The following DNAJB14 variants were observed in gnomAD, a reference collection of about 807,000 sequenced individuals.
The protein encoded by DNAJB14 is dnaJ homolog subfamily B member 14.
A neutral mutation model predicts 48.4 loss-of-function variants in DNAJB14; 22 were observed. The ratio of observed to expected loss-of-function variants is 0.45; its 90% CI spans 0.32 to 0.65. DNAJB14 has a LOEUF of 0.65. Ranked by LOEUF, DNAJB14 falls within the 30% of genes least tolerant of loss-of-function variation. The pLI is 0.03. For missense variants in DNAJB14, 319 were observed against 458.8 expected, an observed-to-expected ratio of 0.70 and a Z score of 2.78; for synonymous variants, 142 against 158.7, an observed-to-expected ratio of 0.89 and a Z score of 0.79.
intron 1 of DNAJB14, among the ~76,000 whole-genome samples, chr4:99,944,470 A>G (rs1446747182): frequency 6.6e-6 from 1 of 152,186 alleles, no homozygotes; most frequent in Non-Finnish European, 1.5e-5. Flanking sequence ...CAAGAGGTGA[A>G]AGGAACCCAA....
chr4:99,929,362 G>C (rs1403623614), intron 2 of DNAJB14: 1 of 152,166 alleles, frequency 6.6e-6, no homozygotes, highest in Non-Finnish European at 1.5e-5. Context: ...CAAAGTGCTA[G>C]GATTACAGGC....
chr4:99,905,923 T>C (rs1725448212), intron 5 of DNAJB14: 3 of 1,348,166 alleles, frequency 2.2e-6, no homozygotes, highest in African/African-American at 3.0e-5. Context: ...TAAAATTTGA[T>C]TTCATTTTAT....
At chr4:99,931,849 A>G (rs1332367440) in intron 1 of DNAJB14, among the ~76,000 whole-genome samples, 3 of 152,008 alleles carry the variant, frequency 2.0e-5, no homozygotes, top group African/African-American at 7.2e-5. Context: ...AAAACAAAAT[A>G]AAAAAATCTA....
intron 3 of DNAJB14, among the ~76,000 whole-genome samples, chr4:99,913,248 TG>T (rs1725730384): frequency 1.3e-5 from 2 of 152,200 alleles, no homozygotes; most frequent in South Asian, 4.1e-4. Context: ...GAGATATTCT[TG>T]CTTTATTCTT....
chr4:99,933,303 C>CTTTTTTTTTT (rs759298582), intron 1 of DNAJB14, among the ~76,000 whole-genome samples: 2 of 88,776 alleles, frequency 2.3e-5, no homozygotes, highest in Non-Finnish European at 4.2e-5. Context: ...CATAAACAGT[C>CTTTTTTTTTT]TTTTTTTTTT....
intron 1 of DNAJB14, among the ~76,000 whole-genome samples, chr4:99,932,391 T>TTTG (rs1726508434): frequency 1.3e-5 from 2 of 151,622 alleles, no homozygotes; most frequent in Non-Finnish European, 2.9e-5. Context: ...AAACAAATGG[T>TTTG]CAATAAGCAC....
intron 4 of DNAJB14, among the ~76,000 whole-genome samples, chr4:99,908,298 A>T (rs990731073): frequency 2.0e-5 from 3 of 152,158 alleles, no homozygotes; most frequent in African/African-American, 7.2e-5. Flanking sequence ...CTCTACATAT[A>T]TCCAAATTAG....
intron 4 of DNAJB14, among the ~76,000 whole-genome samples, chr4:99,907,481 C>G (rs1725507980): frequency 6.6e-6 from 1 of 151,880 alleles, no homozygotes; most frequent in Non-Finnish European, 1.5e-5. Flanking sequence ...TCAAGACCAG[C>G]CTGGACAACA....
intron 3 of DNAJB14, chr4:99,922,651 T>C (rs1726102520): frequency 6.5e-6 from 1 of 153,204 alleles, no homozygotes; most frequent in South Asian, 2.1e-4. Context: ...TTCTTAAATA[T>C]CCAAATTCCA....
intron 1 of DNAJB14, among the ~76,000 whole-genome samples, chr4:99,934,845 A>G (rs1296089589): frequency 1.3e-5 from 2 of 149,536 alleles, no homozygotes; most frequent in Non-Finnish European, 3.0e-5. Context: ...TCTCTCAAAA[A>G]CTTATGTGAT....
rs182604130 is a variant in DNAJB14, at chr4:99,904,400, A to G, written c.843-502T>C. 1.1e-4 allele frequency among the ~76,000 whole-genome samples: 17 copies of G among 152,284 alleles called. No homozygotes were observed. In the East Asian group the frequency reaches 3.3e-3, roughly 29 times the overall value. The stretch of plus-strand genomic sequence containing the variant: ...CCACATGGGTGGCTGAGATAGTGAT[A>G]CCTTTGCTTTCTGATAGTTCAATGT... On this transcript the variant is annotated intron_variant, in intron 6 of 7. Coordinates refer to ENST00000442697, the MANE Select transcript of DNAJB14 (RefSeq NM_001031723.4).
chr4:99,938,929 T>C (rs750691758), intron 1 of DNAJB14, among the ~76,000 whole-genome samples: 8 of 152,146 alleles, frequency 5.3e-5, no homozygotes, highest in Non-Finnish European at 1.2e-4. Flanking sequence ...TTTTCCTATA[T>C]AAACGATACC....
chr4:99,906,660 A>G, intron 4 of DNAJB14, 49 bp from the exon 5 acceptor site: 2 of 1,415,072 alleles, frequency 1.4e-6, no homozygotes, highest in Non-Finnish European at 9.8e-7. Context: ...TTATGATCAG[A>G]AAAAATACAT....
intron 3 of DNAJB14, among the ~76,000 whole-genome samples, chr4:99,914,475 C>G (rs545002122): frequency 1.3e-5 from 2 of 152,176 alleles, no homozygotes; most frequent in South Asian, 4.1e-4. Context: ...AGGGGAACAT[C>G]ACACACTGGG....
chr4:99,916,095 GAT>G (rs1408157224), intron 3 of DNAJB14, among the ~76,000 whole-genome samples: 4 of 151,760 alleles, frequency 2.6e-5, no homozygotes, highest in African/African-American at 7.3e-5. Context: ...TTTTATTCTG[GAT>G]ATAGTGTTAT....
chr4:99,932,385 A>G (rs1285620433), intron 1 of DNAJB14, among the ~76,000 whole-genome samples: 1 of 152,166 alleles, frequency 6.6e-6, no homozygotes, highest in Non-Finnish European at 1.5e-5. Context: ...ACAAACAAAC[A>G]AATGGTCAAT....
At chr4:99,923,906 T>C in intron 2 of DNAJB14, 1 of 983,448 alleles carries the variant, frequency 1.0e-6, no homozygotes, top group Non-Finnish European at 1.2e-6. Context: ...CATGATAAAA[T>C]ATAACACGTG....
rs764709572 is a variant in DNAJB14, at chr4:99,908,730, A to C, written c.618T>G (p.Phe206Leu). Residue 206 changes from phenylalanine to leucine, a missense_variant, in exon 4 of 8, where the codon TTT becomes TTG. Coordinates refer to ENST00000442697, the MANE Select transcript of DNAJB14 (RefSeq NM_001031723.4). ...ITPEDLFNIF[F>L]GGGFPSGSVH... is the part of the protein sequence containing the mutation. ...AAATACCTGAAGGAAATCCACCCCC[A>C]AAAAATATATTAAACAAGTCTTCTG... 108 of 1,590,706 alleles carry C rather than the reference A, an allele frequency of 6.8e-5. No homozygotes were observed. The highest frequency in any genetic ancestry group is 1.5e-4 in the African/African-American group (11 of 73,562).
At chr4:99,917,481 T>C (rs1725898171) in intron 3 of DNAJB14, among the ~76,000 whole-genome samples, 1 of 152,182 alleles carries the variant, frequency 6.6e-6, no homozygotes, top group African/African-American at 2.4e-5. Flanking sequence ...GAATCCGACC[T>C]CCCAAAGGCC....
Sources: gnomAD v4.1 joint callset for allele counts (sites outside exome capture counted in the v4.1 genomes callset) on GRCh38, gnomAD v4.1.1 for gene constraint, MANE v1.5 for transcripts, NCBI Gene and HGNC (gene_info 2026-07-23, HGNC 2026-07-21) for gene names.